PER2: variants seen among roughly 807,000 people sequenced by gnomAD.
PER2 encodes period circadian regulator 2.
A neutral mutation model predicts 121.0 loss-of-function variants in PER2; 66 were observed. That is an observed-to-expected ratio of 0.55 (90% confidence interval 0.45 to 0.67). The LOEUF (loss-of-function observed/expected upper bound fraction) is 0.67. Ranked by LOEUF, PER2 falls within the 30% of genes least tolerant of loss-of-function variation. PER2 has a pLI of 0.00. For synonymous variants in PER2, 684 were observed against 659.9 expected, an observed-to-expected ratio of 1.04 and a Z score of -0.56; for missense variants, 1,521 against 1,635.0, an observed-to-expected ratio of 0.93 and a Z score of 1.20.
chr2:238,290,023 T>G (rs1039849617), upstream of PER2: 2 of 152,228 alleles, frequency 1.3e-5, no homozygotes, highest in African/African-American at 4.8e-5. Context: ...CTTGTTCTTC[T>G]TTACCTGGAC....
Position 238,260,712 on chromosome 2 carries a change from A to T in PER2, c.1542+116T>A, listed in dbSNP as rs933718498. 2.7e-6 allele frequency: 3 copies of T among 1,123,328 alleles called. No homozygotes were observed. The African/African-American group carries it at 4.6e-5, about 17-fold the overall frequency. The allele number at this position is 1,123,328 out of a possible 1,614,324, so 69.6% of individuals were successfully genotyped here. A position where few individuals can be genotyped will look rare whatever the true frequency, so the allele number is the denominator to read the frequency against. ...GGACAAAGTTTAGAAAGGAAGCAGCAACAGCTGCAATCAGGAAGCCCCTCC... is the reference window on the plus strand; with the variant it reads ...GGACAAAGTTTAGAAAGGAAGCAGCTACAGCTGCAATCAGGAAGCCCCTCC... On this transcript the variant is annotated intron_variant, in intron 13 of 22. Coordinates refer to ENST00000254657, the MANE Select transcript of PER2 (RefSeq NM_022817.3).
Position 238,258,327 on chromosome 2 carries a change from T to A in PER2, c.1849A>T (p.Arg617Trp). ...CEFPANVPALRSSDKRKATVS... is the reference protein window; with the variant it reads ...CEFPANVPALWSSDKRKATVS... ...GTGGCCTTCCGCTTATCACTGGACC[T>A]TAGCGCTGGGACGTTTGCTGGGAAC... Residue 617 changes from arginine to tryptophan, a missense_variant, in exon 16 of 23, where the codon AGG becomes TGG. Transcript: ENST00000254657. 4 of 1,614,220 alleles carry A rather than the reference T, an allele frequency of 2.5e-6. No homozygotes were observed. Among genetic ancestry groups the A allele is most frequent in the Non-Finnish European group, 3.4e-6 (4 of 1,180,032 alleles).
Position 238,258,213 on chromosome 2 carries a change from C to T in PER2, c.1900+63G>A. 3.2e-6 allele frequency: 5 copies of T among 1,580,942 alleles called. No individual in the cohort carries two copies. In the South Asian group the frequency reaches 4.4e-5, roughly 14 times the overall value. ...GTGTCCACAGAAGCCATGGGGACGTCTGACTCTACTCCAGAGGATTTACAT... is the reference window on the plus strand; with the variant it reads ...GTGTCCACAGAAGCCATGGGGACGTTTGACTCTACTCCAGAGGATTTACAT... On this transcript the variant is annotated intron_variant, in intron 16 of 22. Coordinates refer to ENST00000254657, the MANE Select transcript of PER2 (RefSeq NM_022817.3).
At position 238,253,404 on chromosome 2, in the gene PER2, G is replaced by A. The variant is rs376874446; in HGVS notation, c.2619C>T (p.His873=). The A allele has an allele frequency of 2.7e-5, 43 of 1,610,610 alleles. No individual in the cohort carries two copies. Among genetic ancestry groups the A allele is most frequent in the Admixed American group, 1.0e-4 (6 of 59,932 alleles). ...GCACAGCAGGCACTGTGAAGCTGGC[G>A]TGGGGAGGTGCCGGGGGTGCTGCCA... ...GTVAAPPAPP[H]ASFTVPAVPV... Residue 873 remains histidine, a synonymous_variant, in exon 19 of 23, where the codon CAC becomes CAT. Transcript: ENST00000254657. The surrounding 1 kb of genome is among the most constrained non-coding windows in gnomAD (Gnocchi z 5.6).
the PER2 span, among the ~76,000 whole-genome samples, chr2:238,297,463 CG>C: frequency 6.6e-6 from 1 of 152,126 alleles, no homozygotes; most frequent in Non-Finnish European, 1.5e-5. Flanking sequence ...AGTGAAGACA[CG>C]ATTGAAATGA....
At chr2:238,286,030 A>G (rs1169531812) in intron 1 of PER2, among the ~76,000 whole-genome samples, 1 of 152,174 alleles carries the variant, frequency 6.6e-6, no homozygotes, top group East Asian at 1.9e-4. Flanking sequence ...TATGGAGGGA[A>G]GGAGGTGCAC....
chr2:238,260,668 A>G (rs1695898514), intron 13 of PER2, among the ~76,000 whole-genome samples, 160 bp downstream of exon 13: 1 of 152,248 alleles, frequency 6.6e-6, no homozygotes, highest in Non-Finnish European at 1.5e-5. Flanking sequence ...AACTCTTAAG[A>G]GATTAAAAAG....
rs1475392831 is a variant in PER2, at chr2:238,258,573, A to G, written c.1699T>C (p.Phe567Leu). ...AMEKDSLGVSFPEELACKNQP... is the reference protein window; with the variant it reads ...AMEKDSLGVSLPEELACKNQP... ...TTCTTGCAGGCCAACTCCTCGGGGAAGCTGACCCCCAGGCTGTCCTTTTCC... is the reference window on the plus strand; with the variant it reads ...TTCTTGCAGGCCAACTCCTCGGGGAGGCTGACCCCCAGGCTGTCCTTTTCC... The change falls in exon 15 of 23, where the codon TTC becomes CTC. Residue 567 changes from phenylalanine (F) to leucine (L), a missense_variant. By Grantham distance (22) the Phe-to-Leu change is conservative (BLOSUM62 0). Transcript: ENST00000254657. The G allele has an allele frequency of 1.4e-5, 22 of 1,614,076 alleles. No individual in the cohort carries two copies. The highest frequency in any genetic ancestry group is 1.7e-5 in the Non-Finnish European group (20 of 1,179,924).
At position 238,268,837 on chromosome 2, in the gene PER2, C is replaced by T. The variant is rs913803188; in HGVS notation, c.824+86G>A. On this transcript the variant is annotated intron_variant, in intron 7 of 22. Transcript: ENST00000254657. This position sits in a 1 kb window ranked among gnomAD's most constrained non-coding sequence, Gnocchi z 4.0. ...GTGCTGAGTCCCTGCAGGCAGGGAT[C>T]ACGCCCCCCAGCCTCAAGCGGAGCA... 11 of 975,480 alleles carry T rather than the reference C, an allele frequency of 1.1e-5. No individual in the cohort carries two copies. Among genetic ancestry groups the T allele is most frequent in the Middle Eastern group, 2.1e-4 (1 of 4,796 alleles). 60.4% of individuals were successfully genotyped at this position (975,480 alleles called of 1,614,324 possible).
intron 9 of PER2, among the ~76,000 whole-genome samples, chr2:238,263,528 T>G (rs538559339): frequency 4.6e-5 from 7 of 152,166 alleles, no homozygotes; most frequent in African/African-American, 1.7e-4. Flanking sequence ...TGTGGCTTCT[T>G]TGGAGTCTCG....
intron 1 of PER2, among the ~76,000 whole-genome samples, chr2:238,282,920 C>T (rs1304946905): frequency 1.3e-5 from 2 of 152,182 alleles, no homozygotes; most frequent in South Asian, 4.1e-4. Context: ...CTCAGGGTCC[C>T]TGGGCTTCGC....
chr2:238,269,179 T>G (rs1410164301), intron 6 of PER2, among the ~76,000 whole-genome samples: 3 of 152,234 alleles, frequency 2.0e-5, no homozygotes, highest in Admixed American at 2.0e-4. Flanking sequence ...ATGAGTGTGG[T>G]GCATTACAAA....
At chr2:238,299,086 C>A in the PER2 span, 1 of 152,038 alleles carries the variant, frequency 6.6e-6, no homozygotes, top group Non-Finnish European at 1.5e-5. Flanking sequence ...GCCTGGCCAA[C>A]ATAGTGAAAA....
intron 5 of PER2, among the ~76,000 whole-genome samples, chr2:238,272,788 A>G (rs755139704): frequency 2.6e-5 from 4 of 152,188 alleles, no homozygotes; most frequent in Non-Finnish European, 5.9e-5. Flanking sequence ...GAAAACCCAG[A>G]GCCCCCCAGT....
intron 3 of PER2, among the ~76,000 whole-genome samples, chr2:238,276,619 A>G (rs745602391): frequency 2.6e-5 from 4 of 152,232 alleles, no homozygotes; most frequent in African/African-American, 9.6e-5. Context: ...AAGGGTCTTC[A>G]AACATTAATT....
chr2:238,287,253 C>T (rs76170986), intron 1 of PER2, among the ~76,000 whole-genome samples: 1 of 152,164 alleles, frequency 6.6e-6, no homozygotes, highest in African/African-American at 2.4e-5. Flanking sequence ...GCTGGCACAC[C>T]ACACAGCTTC....
At chr2:238,272,016 G>A (rs1274438074) in intron 5 of PER2, among the ~76,000 whole-genome samples, 1 of 152,136 alleles carries the variant, frequency 6.6e-6, no homozygotes, top group Non-Finnish European at 1.5e-5. Context: ...TATACTCTCA[G>A]TCTGTAAGAG....
In PER2 at chr2:238,246,405, G is replaced by C. The variant is rs1420594661; in HGVS notation, c.3738C>G (p.Pro1246=). ...TCTGCTCTTCGATCCTGTGATTCAAGGGGGATCCATTTTCGTCTTCTTTGG... is the reference window on the plus strand; with the variant it reads ...TCTGCTCTTCGATCCTGTGATTCAACGGGGATCCATTTTCGTCTTCTTTGG... The part of the protein sequence containing the change: ...SDTKEDENGS[P]LNHRIEEQT Residue 1246 remains proline (P), a synonymous_variant, in exon 23 of 23, where the codon CCC becomes CCG. Coordinates refer to ENST00000254657, the MANE Select transcript of PER2 (RefSeq NM_022817.3). The C allele has an allele frequency of 6.2e-7, 1 of 1,612,258 alleles. No individual in the cohort carries two copies. The highest frequency in any genetic ancestry group is 8.5e-7 in the Non-Finnish European group (1 of 1,178,878).
intron 12 of PER2, chr2:238,261,450 G>A (rs1695928547): frequency 2.0e-6 from 1 of 508,784 alleles, no homozygotes. Context: ...GAACTATGCA[G>A]CCTGTGTCAG....
Sources: allele counts gnomAD v4.1 joint callset (sites outside exome capture counted in the v4.1 genomes callset), GRCh38; gene constraint gnomAD v4.1.1; non-coding constraint Gnocchi (gnomAD v3.1); transcripts MANE v1.5; gene names NCBI Gene and HGNC (gene_info 2026-07-23, HGNC 2026-07-21).